The following CFAP74 variants were observed in gnomAD, a reference collection of about 807,000 sequenced individuals.
CFAP74 encodes cilia- and flagella-associated protein 74.
A neutral mutation model predicts 188.9 loss-of-function variants in CFAP74; 124 were observed. That is an observed-to-expected ratio of 0.66 (90% confidence interval 0.57 to 0.76). CFAP74 has a LOEUF of 0.76. Among genes scored for constraint, CFAP74 ranks in the 30% least tolerant of loss-of-function variants. The pLI is 0.00. For missense variants in CFAP74, 2,198 were observed against 2,165.2 expected, an observed-to-expected ratio of 1.02 and a Z score of -0.30; for synonymous variants, 956 against 916.7, an observed-to-expected ratio of 1.04 and a Z score of -0.77.
chr1:1,948,919 T>TCCCTCCCTC (rs753325447), intron 18 of CFAP74, among the ~76,000 whole-genome samples: 11 of 63,396 alleles, frequency 1.7e-4, no homozygotes, highest in East Asian at 4.4e-4. Flanking sequence ...TCCTTCCCTT[T>TCCCTCCCTC]CCTTCCTTCC....
intron 18 of CFAP74, among the ~76,000 whole-genome samples, chr1:1,949,807 C>T (rs1405361649): frequency 2.0e-5 from 3 of 152,184 alleles, no homozygotes; most frequent in African/African-American, 7.2e-5. Flanking sequence ...TTTCCCTTAG[C>T]ATGATGCATT....
chr1:1,938,276 T>C (rs1241542523), intron 25 of CFAP74, among the ~76,000 whole-genome samples: 1 of 149,266 alleles, frequency 6.7e-6, no homozygotes, highest in Non-Finnish European at 1.5e-5. Context: ...CACACCCACA[T>C]ACATGCACTC....
intron 26 of CFAP74, among the ~76,000 whole-genome samples, chr1:1,929,748 C>A (rs900477616): frequency 6.6e-6 from 1 of 151,890 alleles, no homozygotes; most frequent in African/African-American, 2.4e-5. Flanking sequence ...ACACAGCCTT[C>A]CCCAGTCTCA....
intron 9 of CFAP74, among the ~76,000 whole-genome samples, 184 bp from the exon 10 acceptor site, chr1:1,971,000 GCACACCT>G (rs1655948974): frequency 8.1e-6 from 1 of 123,926 alleles, no homozygotes; most frequent in Non-Finnish European, 1.6e-5. Context: ...ACACACACAC[GCACACCT>G]GCACATGCAC....
intron 16 of CFAP74, among the ~76,000 whole-genome samples, chr1:1,958,371 T>C (rs997490614): frequency 6.6e-6 from 1 of 152,224 alleles, no homozygotes; most frequent in African/African-American, 2.4e-5. Context: ...TAGGAGATAA[T>C]GACGTCCCCA....
Position 1,960,010 on chromosome 1 carries a change from A to AG in CFAP74, c.1714dup (p.Leu572ProfsTer8). On this transcript the variant is annotated frameshift_variant, in exon 15 of 39. Transcript: ENST00000682832. LOFTEE classifies it high-confidence loss of function. ...CACTTCACAGGACATTCCGGCTGAC[A>AG]GGGGGCCAGGGGGGTCAAAGCTGCA... 5 of 1,590,862 alleles carry AG rather than the reference A, an allele frequency of 3.1e-6. No individual in the cohort carries two copies. The South Asian group carries it at 5.6e-5, about 18-fold the overall frequency.
chr1:1,963,500 G>A (rs1311817646), intron 14 of CFAP74, among the ~76,000 whole-genome samples: 5 of 117,308 alleles, frequency 4.3e-5, no homozygotes, highest in African/African-American at 1.0e-4. Flanking sequence ...AAAACAAAAC[G>A]AAGAAAAACA....
intron 6 of CFAP74, among the ~76,000 whole-genome samples, chr1:1,976,946 C>G (rs13303203): frequency 6.6e-6 from 1 of 151,540 alleles, no homozygotes; most frequent in Non-Finnish European, 1.5e-5. Context: ...CCCGAGTTCA[C>G]GCCATTCTCC....
chr1:1,980,476 G>A (rs1311958155), intron 6 of CFAP74, among the ~76,000 whole-genome samples: 1 of 146,536 alleles, frequency 6.8e-6, no homozygotes, highest in Admixed American at 6.7e-5. Context: ...TAAGCCACCG[G>A]CACAGATCGC....
At chr1:2,003,309 C>CAAA (rs1371149694) in intron 1 of CFAP74, among the ~76,000 whole-genome samples, 1 of 152,150 alleles carries the variant, frequency 6.6e-6, no homozygotes, top group African/African-American at 2.4e-5. Context: ...AGAGGCAAAT[C>CAAA]AGCTTCCAAA....
chr1:1,927,846 C>T (rs377316899), intron 27 of CFAP74, 100 bp from the exon 28 acceptor site: 102 of 1,381,296 alleles, frequency 7.4e-5, no homozygotes, highest in African/African-American at 8.8e-5. Flanking sequence ...CCGCGGGAGC[C>T]GCAGTTGGGA....
At position 1,923,612 on chromosome 1, in the gene CFAP74, G is replaced by A. The variant is rs1651572051; in HGVS notation, c.4390-113C>T. On this transcript the variant is annotated intron_variant, in intron 35 of 38. Transcript: ENST00000682832. This position sits in a 1 kb window ranked among gnomAD's most constrained non-coding sequence, Gnocchi z 6.3. Reference sequence around the variant, plus strand: ...GCAGGGACGGCCTGGGGGCCCCGTGGGGCCCTGGACTCTGGTCTTTCCACT... The same window carrying A: ...GCAGGGACGGCCTGGGGGCCCCGTGAGGCCCTGGACTCTGGTCTTTCCACT... 7.9e-6 allele frequency: 12 copies of A among 1,527,128 alleles called. No homozygotes were observed. The highest frequency in any genetic ancestry group is 1.1e-5 in the Non-Finnish European group (12 of 1,130,438). 94.6% of individuals were successfully genotyped at this position (1,527,128 alleles called of 1,614,324 possible).
chr1:1,998,723 A>AT (rs1000598454), intron 1 of CFAP74, among the ~76,000 whole-genome samples: 14 of 150,848 alleles, frequency 9.3e-5, no homozygotes, highest in African/African-American at 3.2e-4. Flanking sequence ...AAATACAAAA[A>AT]AAAATTAGCC....
chr1:1,935,248 C>T (rs142392702), intron 25 of CFAP74, among the ~76,000 whole-genome samples: 7 of 68,826 alleles, frequency 1.0e-4, no homozygotes, highest in South Asian at 6.7e-4. Context: ...GGGTGTTAGG[C>T]TGTAAGTACA....
chr1:1,992,039 C>CAA (rs537739387), intron 1 of CFAP74, among the ~76,000 whole-genome samples: 2 of 133,176 alleles, frequency 1.5e-5, no homozygotes, highest in African/African-American at 2.8e-5. Context: ...GACTCCGTCT[C>CAA]AAAAAAAAAA....
Position 1,939,321 on chromosome 1 carries a change from T to C in CFAP74, c.2877+273A>G, listed in dbSNP as rs533180055. Among the ~76,000 whole-genome samples the C allele has an allele frequency of 3.9e-5, 6 of 152,280 alleles. No individual in the cohort carries two copies. In the South Asian group the frequency reaches 1.2e-3, roughly 32 times the overall value. On this transcript the variant is annotated intron_variant, in intron 24 of 38. Transcript: ENST00000682832. ...AGGCTTGGGCCTCGTCCCAGCTACC[T>C]TGTGTGGCCCCAGCAGGGGAAAGTT... is the stretch of plus-strand genomic sequence containing the variant.
At position 1,974,148 on chromosome 1, in the gene CFAP74, C is replaced by A. The variant is rs372143369; in HGVS notation, c.551G>T (p.Arg184Leu). The A allele has an allele frequency of 6.8e-6, 11 of 1,611,948 alleles. No individual in the cohort carries two copies. Among genetic ancestry groups the A allele is most frequent in the Non-Finnish European group, 9.3e-6 (11 of 1,178,950 alleles). The change falls in exon 7 of 39, where the codon CGG (arginine) becomes CTG (leucine). Residue 184 changes from arginine to leucine, a missense_variant. Coordinates refer to ENST00000682832, the MANE Select transcript of CFAP74 (RefSeq NM_001304360.2). ...CTCCACCTCCTCACGGTCAGCTGTC[C>A]GGAAGGCCTCGAGTCGCCCCTCCTG... is the stretch of plus-strand genomic sequence containing the variant. Reference protein sequence around the residue: ...EIQEGRLEAFRTADREEVEAT... With the variant: ...EIQEGRLEAFLTADREEVEAT...
At chr1:1,976,357 T>C (rs1216832008) in intron 6 of CFAP74, among the ~76,000 whole-genome samples, 2 of 151,974 alleles carry the variant, frequency 1.3e-5, no homozygotes, top group African/African-American at 4.8e-5. Flanking sequence ...TCACGGAAGA[T>C]CTGGATCTTT....
intron 25 of CFAP74, 105 bp from the exon 26 acceptor site, chr1:1,930,441 A>G: frequency 8.6e-7 from 1 of 1,164,268 alleles, no homozygotes; most frequent in Non-Finnish European, 1.2e-6. Context: ...GGGGGGGCTC[A>G]CAGGGACATG....
Sources: allele counts gnomAD v4.1 joint callset (sites outside exome capture counted in the v4.1 genomes callset), GRCh38; gene constraint gnomAD v4.1.1; non-coding constraint Gnocchi (gnomAD v3.1); transcripts MANE v1.5; gene names NCBI Gene and HGNC (gene_info 2026-07-23, HGNC 2026-07-21).